Variants in ST18 observed in about 807,000 individuals in gnomAD.
ST18 encodes the protein suppression of tumorigenicity 18 protein.
Under a neutral mutation model 110.0 loss-of-function variants are expected in ST18, and 50 were observed. The observed-to-expected ratio is 0.45, with a 90% CI of 0.36 to 0.58. The LOEUF (loss-of-function observed/expected upper bound fraction) is 0.58, where lower values mean the gene tolerates loss of function less well. Ranked by LOEUF, ST18 falls within the 20% of genes least tolerant of loss-of-function variation. The pLI, the probability that ST18 is intolerant of heterozygous loss-of-function variation, is 0.00. For missense variants in ST18, 1,306 were observed against 1,280.1 expected, an observed-to-expected ratio of 1.02 and a Z score of -0.31; for synonymous variants, 461 against 452.4, an observed-to-expected ratio of 1.02 and a Z score of -0.24.
intron 2 of ST18, among the ~76,000 whole-genome samples, chr8:52,346,414 A>G (rs1184240818): frequency 6.6e-6 from 1 of 152,146 alleles, no homozygotes; most frequent in Non-Finnish European, 1.5e-5. Flanking sequence ...CCCTTGAAAA[A>G]CTGAGAAAGT....
intron 2 of ST18, among the ~76,000 whole-genome samples, chr8:52,261,008 C>A (rs1220067806): frequency 6.6e-6 from 1 of 152,060 alleles, no homozygotes; most frequent in Non-Finnish European, 1.5e-5. Context: ...AAAGACAGAG[C>A]AAAAGAGGAA....
In ST18 at chr8:52,161,575, AG is replaced by A. The variant is rs746428342; in HGVS notation, c.1401-8del. 9 of 1,613,732 alleles carry A rather than the reference AG, an allele frequency of 5.6e-6. No individual in the cohort carries two copies. Among genetic ancestry groups the A allele is most frequent in the African/African-American group, 1.3e-5 (1 of 74,988 alleles). Reference sequence around the variant, plus strand: ...TTGCTTCACCAAACTTGTCCTGGAGAGGGGGGTGAAGCAGTTCAAAAGAAAT... The same window carrying A: ...TTGCTTCACCAAACTTGTCCTGGAGAGGGGGTGAAGCAGTTCAAAAGAAAT... On this transcript the variant is annotated splice_region_variant and splice_polypyrimidine_tract_variant and intron_variant, in intron 13 of 25. Coordinates refer to ENST00000689386, the MANE Select transcript of ST18 (RefSeq NM_001352837.2).
At chr8:52,130,921 C>T (rs2049320895) in intron 22 of ST18, among the ~76,000 whole-genome samples, 1 of 152,164 alleles carries the variant, frequency 6.6e-6, no homozygotes, top group Non-Finnish European at 1.5e-5. Flanking sequence ...TGATTTGTGA[C>T]TGAAGTTCCT....
intron 12 of ST18, among the ~76,000 whole-genome samples, chr8:52,164,591 A>T (rs973709088): frequency 6.6e-6 from 1 of 152,274 alleles, no homozygotes; most frequent in Admixed American, 6.5e-5. Context: ...AAATGTGAAT[A>T]TCAAACAATC....
chr8:52,359,016 G>C (rs903801587), intron 2 of ST18, among the ~76,000 whole-genome samples: 1 of 151,680 alleles, frequency 6.6e-6, no homozygotes, highest in Admixed American at 6.6e-5. Context: ...CATATTAAGA[G>C]GATTATACTC....
chr8:52,294,507 C>T (rs1355993212), intron 2 of ST18: 2 of 152,306 alleles, frequency 1.3e-5, no homozygotes, highest in African/African-American at 2.4e-5. Context: ...AGGGCCCCTC[C>T]TGACCAGGGA....
chr8:52,313,969 C>A (rs527427364), intron 2 of ST18, among the ~76,000 whole-genome samples: 1 of 152,136 alleles, frequency 6.6e-6, no homozygotes, highest in African/African-American at 2.4e-5. Context: ...CATTTGGCCA[C>A]GGGAGTGCGG....
chr8:52,264,338 C>T (rs2094800084), intron 2 of ST18, among the ~76,000 whole-genome samples: 1 of 152,148 alleles, frequency 6.6e-6, no homozygotes, highest in South Asian at 2.1e-4. Context: ...TCATGTTTCA[C>T]ACATCTGGGG....
intron 2 of ST18, among the ~76,000 whole-genome samples, chr8:52,333,976 G>A (rs560254292): frequency 6.6e-6 from 1 of 152,348 alleles, no homozygotes; most frequent in South Asian, 2.1e-4. Context: ...CCTATCCCAG[G>A]AGAGACACCT....
intron 2 of ST18, among the ~76,000 whole-genome samples, chr8:52,243,005 C>G (rs967261125): frequency 6.6e-6 from 1 of 152,060 alleles, no homozygotes; most frequent in African/African-American, 2.4e-5. Context: ...CCTTATGTTT[C>G]TATGTATCTA....
chr8:52,290,281 G>A (rs1291587634), intron 2 of ST18, among the ~76,000 whole-genome samples: 1 of 152,050 alleles, frequency 6.6e-6, no homozygotes, highest in Non-Finnish European at 1.5e-5. Context: ...TCCTTGGTGG[G>A]CTGGGCATTT....
At chr8:52,395,652 T>G (rs1840836161) in intron 2 of ST18, among the ~76,000 whole-genome samples, 1 of 152,206 alleles carries the variant, frequency 6.6e-6, no homozygotes, top group African/African-American at 2.4e-5. Context: ...AAAACTGATG[T>G]GCTTACTGGG....
At chr8:52,133,682 C>T (rs1031799223) in intron 19 of ST18, among the ~76,000 whole-genome samples, 10 of 150,106 alleles carry the variant, frequency 6.7e-5, no homozygotes, top group African/African-American at 2.4e-4. Context: ...AAAGTTCTTA[C>T]CTTTTATGTA....
chr8:52,273,224 G>T lies in ST18; in HGVS notation c.-464-43147C>A, dbSNP rs370957473. Among the ~76,000 whole-genome samples, 12 of 152,304 alleles carry T rather than the reference G, an allele frequency of 7.9e-5. 1 individual carries two copies. The highest frequency in any genetic ancestry group is 2.6e-4 in the African/African-American group (11 of 41,568). ...TGTCATCCATCTGAAACCAGCCTGAGTTGCAGTCTAAGCTGGGAATCGTGG... is the reference window on the plus strand; with the variant it reads ...TGTCATCCATCTGAAACCAGCCTGATTTGCAGTCTAAGCTGGGAATCGTGG... On this transcript the variant is annotated intron_variant, in intron 2 of 25. Transcript: ENST00000689386.
intron 17 of ST18, among the ~76,000 whole-genome samples, chr8:52,140,453 G>A (rs1050240722): frequency 1.1e-4 from 16 of 152,014 alleles, no homozygotes; most frequent in Non-Finnish European, 2.4e-4. Context: ...TGAACTGGGA[G>A]GTGGAGCTTG....
intron 2 of ST18, among the ~76,000 whole-genome samples, chr8:52,310,702 C>G (rs112995444): frequency 7.2e-5 from 11 of 152,166 alleles, no homozygotes; most frequent in Non-Finnish European, 1.2e-4. Flanking sequence ...CTGTTCCCAA[C>G]CTTCTCTTCC....
chr8:52,341,802 C>T (rs767569903), intron 2 of ST18, among the ~76,000 whole-genome samples: 3 of 152,180 alleles, frequency 2.0e-5, no homozygotes, highest in East Asian at 1.9e-4. Flanking sequence ...GCTGTACTGT[C>T]GGACACAGAG....
intron 15 of ST18, 56 bp downstream of exon 15, chr8:52,158,842 G>T (rs1237736090): frequency 6.3e-6 from 10 of 1,592,622 alleles, no homozygotes; most frequent in Non-Finnish European, 8.6e-6. Context: ...ATGAAAGGCA[G>T]TTTATTCTCA....
chr8:52,159,221 T>C, intron 14 of ST18, 112 bp from the exon 15 acceptor site: 1 of 990,304 alleles, frequency 1.0e-6, no homozygotes, highest in Non-Finnish European at 1.5e-6. Flanking sequence ...AAGAATAAAT[T>C]AAAACACGTT....
Sources: gnomAD v4.1 joint callset for allele counts (sites outside exome capture counted in the v4.1 genomes callset) on GRCh38, gnomAD v4.1.1 for gene constraint, MANE v1.5 for transcripts, NCBI Gene and HGNC (gene_info 2026-07-23, HGNC 2026-07-21) for gene names.